The following TLE6 variants were observed in gnomAD, a reference collection of about 807,000 sequenced individuals.
The protein encoded by TLE6 is TLE family member 6, subcortical maternal complex member.
In TLE6, 72 loss-of-function variants were observed where a neutral mutation model predicts 77.1. The observed-to-expected ratio is 0.93, with a 90% confidence interval of 0.77 to 1.14. The LOEUF is 1.14. Among genes scored for constraint, TLE6 ranks in the 50% most tolerant of loss-of-function variants. TLE6 has a pLI of 0.00. For synonymous variants in TLE6, 366 were observed against 287.3 expected (o/e 1.27, Z -2.77); for missense variants, 843 against 747.6 (o/e 1.13, Z -1.49).
intron 13 of TLE6, among the ~76,000 whole-genome samples, chr19:2,991,305 G>A (rs1684890894): frequency 6.8e-6 from 1 of 147,900 alleles, no homozygotes; most frequent in South Asian, 2.1e-4. Flanking sequence ...GTTGCAGTGA[G>A]CTGAGATCGT....
At chr19:2,983,438 G>C (rs1281175391) in intron 5 of TLE6, among the ~76,000 whole-genome samples, 3 of 152,124 alleles carry the variant, frequency 2.0e-5, no homozygotes, top group Admixed American at 1.3e-4. Flanking sequence ...GAAGGCATGC[G>C]AGAAGGTGAC....
At position 2,983,914 on chromosome 19, in the gene TLE6, G is replaced by A. The variant is rs922944473; in HGVS notation, c.222+1725G>A. On this transcript the variant is annotated intron_variant, in intron 5 of 16. Transcript: ENST00000246112. ...AGCTGCTGAGCATCAGGATACGCAG[G>A]GGGTGAGGGCTCCAGAGCAAAGGAG... 4 of 152,502 alleles carry A rather than the reference G, an allele frequency of 2.6e-5. No individual in the cohort carries two copies. In the South Asian group the frequency reaches 8.3e-4, roughly 32 times the overall value. The allele number at this position is 152,502 out of a possible 1,614,324, so 9.4% of individuals were successfully genotyped here.
At chr19:2,982,076 C>G in intron 4 of TLE6, 72 bp from the exon 5 acceptor site, 1 of 1,494,728 alleles carries the variant, frequency 6.7e-7, no homozygotes, top group Non-Finnish European at 9.1e-7. Flanking sequence ...AGAGGTAGAG[C>G]AGCTTGCCCA....
In TLE6 at chr19:2,988,107, C is replaced by A; in HGVS notation, c.719C>A (p.Ala240Asp). ...WGVVQEPPGR[A>D]SRFLQSISWD... is the part of the protein sequence containing the mutation. ...CGCCTGCAGGAGCCTCCTGGAAGAG[C>A]CTCTCGGTTTCTACAGTCCATGTAA... Residue 240 changes from alanine (A) to aspartate (D), a missense_variant, in exon 11 of 17, where the codon GCC becomes GAC. Coordinates refer to ENST00000246112, the MANE Select transcript of TLE6 (RefSeq NM_001143986.2). 6.4e-7 allele frequency: 1 copy of A among 1,552,020 alleles called. No individual in the cohort carries two copies. The highest frequency in any genetic ancestry group is 8.7e-7 in the Non-Finnish European group (1 of 1,147,156).
chr19:2,985,845 G>A (rs1182009934), intron 5 of TLE6, among the ~76,000 whole-genome samples: 1 of 150,784 alleles, frequency 6.6e-6, no homozygotes, highest in Non-Finnish European at 1.5e-5. Flanking sequence ...GGAGGCCAAG[G>A]CAGGAGAATC....
intron 13 of TLE6, among the ~76,000 whole-genome samples, chr19:2,991,006 TTACA>T (rs200186447): frequency 5.8e-5 from 6 of 103,082 alleles, no homozygotes; most frequent in Non-Finnish European, 9.1e-5. Context: ...AAAAAAAATT[TTACA>T]TACATACATA....
intron 14 of TLE6, among the ~76,000 whole-genome samples, chr19:2,992,868 A>C (rs1354981277): frequency 6.9e-6 from 1 of 145,022 alleles, no homozygotes; most frequent in African/African-American, 2.5e-5. Flanking sequence ...AGTCTCACTG[A>C]TGCTCCAAAC....
chr19:2,985,399 CTTTTTTTTTTTTT>C (rs1158204473), intron 5 of TLE6, among the ~76,000 whole-genome samples: 1 of 89,988 alleles, frequency 1.1e-5, no homozygotes, highest in African/African-American at 4.9e-5. Context: ...TGCTTGAAGC[CTTTTTTTTTTTTT>C]TTTTTTTTGA....
chr19:2,978,290 G>T lies in TLE6; in HGVS notation c.51+6G>T. The T allele has an allele frequency of 6.4e-7, 1 of 1,551,360 alleles. No homozygotes were observed. ...GCCCCCCGAAAAGCACTTCGGTGAG[G>T]AGGGCATGTGGTGGGATCAGCCCTC... On this transcript the variant is annotated splice_donor_region_variant and intron_variant, in intron 2 of 16. Transcript: ENST00000246112.
Position 2,982,215 on chromosome 19 carries a change from C to T in TLE6, c.222+26C>T, listed in dbSNP as rs987542004. The T allele has an allele frequency of 4.1e-5, 63 of 1,550,486 alleles. No individual in the cohort carries two copies. In the Admixed American group the frequency reaches 8.5e-4, roughly 21 times the overall value. ...GTGGGTGACCAGGAGCTCAGGGGTG[C>T]GGCTGTCCCTCCATGAAAGGCATGA... On this transcript the variant is annotated intron_variant, in intron 5 of 16. Coordinates refer to ENST00000246112, the MANE Select transcript of TLE6 (RefSeq NM_001143986.2).
At chr19:2,991,730 A>AT (rs2089069913) in intron 13 of TLE6, 113 bp from the exon 14 acceptor site, 2 of 1,024,698 alleles carry the variant, frequency 2.0e-6, no homozygotes, top group East Asian at 5.0e-5. Context: ...GCAGGCAGAG[A>AT]TTTTTGGGTG....
rs369419085 is a variant in TLE6, at chr19:2,987,966, G to C, written c.694G>C (p.Val232Leu). The C allele has an allele frequency of 2.5e-6, 4 of 1,609,606 alleles. No homozygotes were observed. In the Admixed American group the frequency reaches 6.7e-5, roughly 27 times the overall value. Reference sequence around the variant, plus strand: ...CCAAGACAGGAACACAAGTTGGGGTGTGGTCCAGGTGAGACCCAGGCCCGA... The same window carrying C: ...CCAAGACAGGAACACAAGTTGGGGTCTGGTCCAGGTGAGACCCAGGCCCGA... ...GSQDRNTSWGVVQEPPGRASR... is the reference protein window; with the variant it reads ...GSQDRNTSWGLVQEPPGRASR... Residue 232 changes from valine to leucine, a missense_variant, in exon 10 of 17, where the codon GTG becomes CTG. Physicochemically the swap from Val to Leu is conservative, Grantham distance 32. Coordinates refer to ENST00000246112, the MANE Select transcript of TLE6 (RefSeq NM_001143986.2).
chr19:2,987,602 C>T, intron 8 of TLE6, 122 bp from the exon 9 acceptor site: 3 of 1,241,500 alleles, frequency 2.4e-6, no homozygotes, highest in Non-Finnish European at 1.2e-6. Context: ...TGCAACTCTG[C>T]CTGGACCCGC....
chr19:2,981,736 C>T (rs1403954905), intron 4 of TLE6, among the ~76,000 whole-genome samples, 153 bp downstream of exon 4: 2 of 152,042 alleles, frequency 1.3e-5, no homozygotes, highest in Admixed American at 6.6e-5. Context: ...TATGGGAGGG[C>T]GAGGCAGGTG....
intron 5 of TLE6, among the ~76,000 whole-genome samples, chr19:2,985,741 A>C (rs1425580718): frequency 1.3e-5 from 2 of 149,730 alleles, no homozygotes; most frequent in African/African-American, 4.9e-5. Context: ...TTTGAAGCAA[A>C]GTGTGGTGGT....
chr19:2,995,086 A>C lies in TLE6; in HGVS notation c.*82A>C, dbSNP rs980360471. The stretch of plus-strand genomic sequence containing the variant: ...CCCCCCAACAAGGGGGACATGGTGG[A>C]GGGAAGCGGGAAGGCTCTTCTGTGG... On this transcript the variant is annotated 3_prime_UTR_variant, in exon 17 of 17. Transcript: ENST00000246112. 1 of 897,852 alleles carries C rather than the reference A, an allele frequency of 1.1e-6. No homozygotes were observed. Among genetic ancestry groups the C allele is most frequent in the East Asian group, 2.8e-5 (1 of 36,294 alleles). The allele number at this position is 897,852 out of a possible 1,614,324, so 55.6% of individuals were successfully genotyped here. A position where few individuals can be genotyped will look rare whatever the true frequency, so the allele number is the denominator to read the frequency against.
At chr19:2,985,292 C>T (rs1272108063) in intron 5 of TLE6, among the ~76,000 whole-genome samples, 1 of 151,954 alleles carries the variant, frequency 6.6e-6, no homozygotes, top group Non-Finnish European at 1.5e-5. Context: ...TATCAATTCT[C>T]CCCAGCAGGT....
Position 2,989,771 on chromosome 19 carries a change from T to TCAG in TLE6, c.1231_1233dup (p.Gln411dup), listed in dbSNP as rs2089003022. On this transcript the variant is annotated inframe_insertion, in exon 13 of 17. Coordinates refer to ENST00000246112, the MANE Select transcript of TLE6 (RefSeq NM_001143986.2). ...TGGTCAGGATCTGGGACCTGCGGGA[T>TCAG]CAGAGTGTGGTCAGGTGCGTTTGGG... is the stretch of plus-strand genomic sequence containing the variant. 6.2e-7 allele frequency: 1 copy of TCAG among 1,613,970 alleles called. No homozygotes were observed. The highest frequency in any genetic ancestry group is 8.5e-7 in the Non-Finnish European group (1 of 1,179,904).
chr19:2,994,076 C>T lies in TLE6; in HGVS notation c.1595C>T (p.Ala532Val), dbSNP rs757810781. 2.1e-5 allele frequency: 34 copies of T among 1,605,538 alleles called. No individual in the cohort carries two copies. Among genetic ancestry groups the T allele is most frequent in the South Asian group, 1.1e-4 (10 of 89,186 alleles). Reference protein sequence around the residue: ...DDFLGVYSMPAGTKVFEVPEM... With the variant: ...DDFLGVYSMPVGTKVFEVPEM... ...TTCCTTGGCGTCTACAGCATGCCGG[C>T]GGGGACAAAAGTGTTCGAGGTACTG... The change falls in exon 16 of 17, where the codon GCG becomes GTG. Residue 532 changes from alanine (A) to valine (V), a missense_variant. By Grantham distance (64) the Ala-to-Val change is moderately conservative. Transcript: ENST00000246112.
Sources: allele counts gnomAD v4.1 joint callset (sites outside exome capture counted in the v4.1 genomes callset), GRCh38; gene constraint gnomAD v4.1.1; transcripts MANE v1.5; gene names NCBI Gene and HGNC (gene_info 2026-07-23, HGNC 2026-07-21).